The following ARRB1 variants were observed in gnomAD, a reference collection of about 807,000 sequenced individuals.
The protein encoded by ARRB1 is beta-arrestin-1.
ARRB1 carries 21 observed loss-of-function variants against 56.8 expected under a neutral mutation model. The ratio of observed to expected loss-of-function variants is 0.37; its 90% CI spans 0.26 to 0.53. The LOEUF (loss-of-function observed/expected upper bound fraction) is 0.53, where lower values mean the gene tolerates loss of function less well. Among genes scored for constraint, ARRB1 ranks in the 20% least tolerant of loss-of-function variants. The pLI, the probability that ARRB1 is intolerant of heterozygous loss-of-function variation, is 0.88. For missense variants in ARRB1, 424 were observed against 553.7 expected (o/e 0.77, Z 2.35); for synonymous variants, 210 against 218.6 (o/e 0.96, Z 0.35).
intron 1 of ARRB1, chr11:75,312,229 G>A (rs894236629): frequency 7.0e-5 from 75 of 1,078,270 alleles, no homozygotes; most frequent in Middle Eastern, 2.4e-4. Flanking sequence ...GAAATGCACC[G>A]CCAGGAACTG....
intron 1 of ARRB1, among the ~76,000 whole-genome samples, chr11:75,310,181 T>G (rs1476493946): frequency 6.6e-6 from 1 of 152,160 alleles, no homozygotes; most frequent in Non-Finnish European, 1.5e-5. Context: ...CCCCTGGTAT[T>G]TAATGGCTAT....
chr11:75,306,259 C>T (rs1190496411), intron 1 of ARRB1, among the ~76,000 whole-genome samples: 1 of 152,158 alleles, frequency 6.6e-6, no homozygotes, highest in Non-Finnish European at 1.5e-5. Context: ...ACTTCAGCTG[C>T]CACCGATGCC....
In ARRB1 at chr11:75,334,729, C is replaced by T. The variant is rs566887162; in HGVS notation, c.20+16859G>A. Among the ~76,000 whole-genome samples, 13 of 152,314 alleles carry T rather than the reference C, an allele frequency of 8.5e-5. No individual in the cohort carries two copies. In the South Asian group the frequency reaches 2.7e-3, roughly 32 times the overall value. ...CAAGTGAAGCTGCAGGTTCAGCCTG[C>T]CCCAGAACTGGCTCCCCTGGATGCC... On this transcript the variant is annotated intron_variant, in intron 1 of 15. Transcript: ENST00000420843.
intron 1 of ARRB1, among the ~76,000 whole-genome samples, chr11:75,329,060 G>A (rs1364040043): frequency 6.6e-6 from 1 of 150,986 alleles, no homozygotes; most frequent in Non-Finnish European, 1.5e-5. Flanking sequence ...ACAGCACTTC[G>A]CTGGGACCAT....
chr11:75,314,204 C>T (rs935633930), intron 1 of ARRB1, among the ~76,000 whole-genome samples: 2 of 152,248 alleles, frequency 1.3e-5, no homozygotes, highest in Non-Finnish European at 2.9e-5. Flanking sequence ...GTCCTGGCCA[C>T]CTCTGCTCCC....
intron 1 of ARRB1, among the ~76,000 whole-genome samples, chr11:75,332,992 A>G (rs1445504478): frequency 6.6e-6 from 1 of 152,142 alleles, no homozygotes; most frequent in Non-Finnish European, 1.5e-5. Context: ...TGTATTCCTT[A>G]AATGTATTTG....
At chr11:75,286,116 C>T (rs1255816901) in intron 3 of ARRB1, among the ~76,000 whole-genome samples, 1 of 152,126 alleles carries the variant, frequency 6.6e-6, no homozygotes, top group Non-Finnish European at 1.5e-5. Context: ...CCAGGTCTTC[C>T]TCCTGGTGAG....
intron 1 of ARRB1, among the ~76,000 whole-genome samples, chr11:75,308,832 G>A (rs368853912): frequency 5.9e-5 from 9 of 152,120 alleles, no homozygotes; most frequent in South Asian, 2.1e-4. Flanking sequence ...TCTCCTGGGC[G>A]CAAGTGAGCC....
intron 5 of ARRB1, among the ~76,000 whole-genome samples, 178 bp downstream of exon 5, chr11:75,283,109 G>C (rs1946386240): frequency 6.6e-6 from 1 of 152,188 alleles, no homozygotes; most frequent in Admixed American, 6.5e-5. Flanking sequence ...ACCCCAGCAG[G>C]GGCTGGAGAA....
rs1945858580 is a variant in ARRB1 at position 75,264,146 on chromosome 11, G to A, written c.*2017C>T. On this transcript the variant is annotated 3_prime_UTR_variant, in exon 16 of 16. Coordinates refer to ENST00000420843, the MANE Select transcript of ARRB1 (RefSeq NM_004041.5). Reference sequence around the variant, plus strand: ...TAGTACGACAGCCCCCAGCTGACTTGGTTCTGGTCTGGGGAGGGGTCCCTT... The same window carrying A: ...TAGTACGACAGCCCCCAGCTGACTTAGTTCTGGTCTGGGGAGGGGTCCCTT... The A allele has an allele frequency of 6.6e-6, 1 of 152,246 alleles. No individual in the cohort carries two copies. The highest frequency in any genetic ancestry group is 2.4e-5 in the African/African-American group (1 of 41,446). 9.4% of individuals were successfully genotyped at this position (152,246 alleles called of 1,614,324 possible).
intron 1 of ARRB1, among the ~76,000 whole-genome samples, chr11:75,346,784 T>C (rs1947774758): frequency 6.6e-6 from 1 of 152,208 alleles, no homozygotes; most frequent in South Asian, 2.1e-4. Context: ...CCTCTCTTCA[T>C]ACTCTATACC....
At chr11:75,349,261 G>A (rs2135010957) in intron 1 of ARRB1, among the ~76,000 whole-genome samples, 1 of 152,296 alleles carries the variant, frequency 6.6e-6, no homozygotes, top group Non-Finnish European at 1.5e-5. Flanking sequence ...TTCAGGCAGT[G>A]CCTCTTCCCC....
chr11:75,280,328 A>G (rs757242269), intron 7 of ARRB1, among the ~76,000 whole-genome samples: 11 of 152,224 alleles, frequency 7.2e-5, no homozygotes, highest in South Asian at 2.1e-4. Flanking sequence ...AATACACCCT[A>G]TAGCCACCAG....
chr11:75,329,464 G>T (rs1947487196), intron 1 of ARRB1, among the ~76,000 whole-genome samples: 1 of 152,152 alleles, frequency 6.6e-6, no homozygotes, highest in Non-Finnish European at 1.5e-5. Flanking sequence ...AGGGTTCAGG[G>T]ATCTAGAATT....
chr11:75,320,489 G>A (rs1411566433), intron 1 of ARRB1, among the ~76,000 whole-genome samples: 23 of 152,234 alleles, frequency 1.5e-4, no homozygotes, highest in Admixed American at 1.2e-3. Context: ...GTGGCCCTGA[G>A]GCTGGAGCCT....
chr11:75,275,683 G>A (rs1387494199), intron 10 of ARRB1, among the ~76,000 whole-genome samples: 5 of 152,164 alleles, frequency 3.3e-5, no homozygotes, highest in African/African-American at 7.2e-5. Context: ...GGAGTCGGAC[G>A]ACCGTGTTCC....
At position 75,264,767 on chromosome 11, in the gene ARRB1, C is replaced by G. The variant is rs1019678972; in HGVS notation, c.*1396G>C. The G allele has an allele frequency of 2.6e-5, 4 of 152,248 alleles. No individual in the cohort carries two copies. Among genetic ancestry groups the G allele is most frequent in the Non-Finnish European group, 5.9e-5 (4 of 68,068 alleles). 9.4% of individuals were successfully genotyped at this position (152,248 alleles called of 1,614,324 possible). On this transcript the variant is annotated 3_prime_UTR_variant, in exon 16 of 16. Transcript: ENST00000420843. ...CATCTGGTCAAACTCCTTGCTTTCC[C>G]AAGTGAGAAACTGAGGCCCAGAGTG...
At chr11:75,342,208 C>G (rs1189411146) in intron 1 of ARRB1, among the ~76,000 whole-genome samples, 1 of 152,180 alleles carries the variant, frequency 6.6e-6, no homozygotes, top group Non-Finnish European at 1.5e-5. Flanking sequence ...CATCTGCCCA[C>G]TTCTCTCCCT....
At chr11:75,297,026 C>A (rs1488611155) in intron 1 of ARRB1, among the ~76,000 whole-genome samples, 1 of 152,112 alleles carries the variant, frequency 6.6e-6, no homozygotes, top group Non-Finnish European at 1.5e-5. Context: ...AAATGCCTAT[C>A]ATAGAATATT....
Sources: allele counts gnomAD v4.1 joint callset (sites outside exome capture counted in the v4.1 genomes callset), GRCh38; gene constraint gnomAD v4.1.1; transcripts MANE v1.5; gene names NCBI Gene and HGNC (gene_info 2026-07-23, HGNC 2026-07-21).